PAK1: variants seen among roughly 807,000 people sequenced by gnomAD.
The protein encoded by PAK1 is p21 (RAC1) activated kinase 1, also known as serine/threonine-protein kinase PAK 1.
Under a neutral mutation model 67.4 loss-of-function variants are expected in PAK1, and 29 were observed. The ratio of observed to expected loss-of-function variants is 0.43; its 90% CI spans 0.32 to 0.59. The LOEUF is 0.59. Ranked by LOEUF, PAK1 falls within the 20% of genes least tolerant of loss-of-function variation. The pLI, the probability that PAK1 is intolerant of heterozygous loss-of-function variation, is 0.07. For synonymous variants in PAK1, 223 were observed against 237.4 expected, an observed-to-expected ratio of 0.94 and a Z score of 0.56; for missense variants, 337 against 670.7, an observed-to-expected ratio of 0.50 and a Z score of 5.50.
chr11:77,527,352 C>T, the PAK1 span, among the ~76,000 whole-genome samples: 1 of 152,170 alleles, frequency 6.6e-6, no homozygotes, highest in South Asian at 2.1e-4. Context: ...ATCTGCCCAC[C>T]TCAGCCTCTC....
At chr11:77,392,266 T>C (rs1951236524) in intron 2 of PAK1, 65 bp downstream of exon 2, 1 of 1,127,820 alleles carries the variant, frequency 8.9e-7, no homozygotes, top group African/African-American at 1.6e-5. Context: ...AGATCTTTTA[T>C]CCAGGTTACC....
At chr11:77,489,795 G>A in the PAK1 span, among the ~76,000 whole-genome samples, 19 of 152,064 alleles carry the variant, frequency 1.2e-4, no homozygotes, top group African/African-American at 4.1e-4. Context: ...ATCTCGGCTC[G>A]CTACAACCTC....
At chr11:77,504,172 C>T in the PAK1 span, among the ~76,000 whole-genome samples, 10 of 152,156 alleles carry the variant, frequency 6.6e-5, no homozygotes, top group South Asian at 4.1e-4. Context: ...GGATTATAGG[C>T]GTGAGCCACT....
chr11:77,408,510 T>C (rs1953976767), intron 1 of PAK1, among the ~76,000 whole-genome samples: 1 of 146,450 alleles, frequency 6.8e-6, no homozygotes, highest in African/African-American at 2.6e-5. Context: ...AAATGTAAAT[T>C]AGTAGAGCCA....
In PAK1 at chr11:77,355,777, G is replaced by A. The variant is rs755406096; in HGVS notation, c.663C>T (p.Pro221=). ...VTPTRDVATS[P]ISPTENNTTP... ...TGGTGTTATTTTCAGTAGGTGAAATGGGAGATGTAGCCACGTCCCGAGTTG... is the reference window on the plus strand; with the variant it reads ...TGGTGTTATTTTCAGTAGGTGAAATAGGAGATGTAGCCACGTCCCGAGTTG... The change falls in exon 7 of 15, where the codon CCC becomes CCT. Residue 221 remains proline (P), a synonymous_variant. Coordinates refer to ENST00000356341, the MANE Select transcript of PAK1 (RefSeq NM_002576.5). 23 of 1,612,932 alleles carry A rather than the reference G, an allele frequency of 1.4e-5. No homozygotes were observed. The highest frequency in any genetic ancestry group is 1.2e-4 in the African/African-American group (9 of 74,886).
intron 1 of PAK1, among the ~76,000 whole-genome samples, chr11:77,436,192 T>C (rs1956122796): frequency 6.6e-6 from 1 of 152,202 alleles, no homozygotes; most frequent in Non-Finnish European, 1.5e-5. Context: ...AAGGTTTCCC[T>C]GTTTCTCAGC....
intron 5 of PAK1, among the ~76,000 whole-genome samples, chr11:77,369,274 T>C (rs1948061739): frequency 1.3e-5 from 2 of 148,922 alleles, no homozygotes; most frequent in South Asian, 4.2e-4. Context: ...AATTTTTTCT[T>C]CTATTTTTTC....
intron 1 of PAK1, among the ~76,000 whole-genome samples, chr11:77,427,915 AAG>A (rs1280098650): frequency 6.6e-6 from 1 of 152,212 alleles, no homozygotes; most frequent in Non-Finnish European, 1.5e-5. Context: ...TCAGACAGTG[AAG>A]AGAGTTGGCT....
chr11:77,430,137 T>A (rs1264027433), intron 1 of PAK1, among the ~76,000 whole-genome samples: 2 of 152,020 alleles, frequency 1.3e-5, no homozygotes, highest in Non-Finnish European at 2.9e-5. Context: ...ATATAGGGCT[T>A]GTGTGGTGCC....
At chr11:77,390,803 T>G (rs1951040145) in intron 2 of PAK1, among the ~76,000 whole-genome samples, 1 of 151,970 alleles carries the variant, frequency 6.6e-6, no homozygotes, top group South Asian at 2.1e-4. Flanking sequence ...TGCCTGGCCT[T>G]CTTTTCTACC....
the PAK1 span, among the ~76,000 whole-genome samples, chr11:77,490,159 G>T: frequency 6.6e-6 from 1 of 151,410 alleles, no homozygotes; most frequent in Non-Finnish European, 1.5e-5. Flanking sequence ...TGAGAAGTGA[G>T]GAGACCCTCC....
intron 1 of PAK1, among the ~76,000 whole-genome samples, chr11:77,467,976 G>C (rs901309761): frequency 6.6e-6 from 1 of 152,296 alleles, no homozygotes; most frequent in Non-Finnish European, 1.5e-5. Flanking sequence ...AATAAGGAAA[G>C]CTGGACCTTA....
intron 4 of PAK1, among the ~76,000 whole-genome samples, chr11:77,376,854 T>C (rs983655351): frequency 1.3e-5 from 2 of 152,088 alleles, no homozygotes; most frequent in Non-Finnish European, 2.9e-5. Context: ...CAACTTAAAA[T>C]ACATTTCCAT....
At chr11:77,453,319 ACTCCAGC>A (rs1956940659) in intron 1 of PAK1, among the ~76,000 whole-genome samples, 1 of 152,032 alleles carries the variant, frequency 6.6e-6, no homozygotes, top group South Asian at 2.1e-4. Context: ...GCGCCATTGC[ACTCCAGC>A]CTGGGCGAAA....
the PAK1 span, among the ~76,000 whole-genome samples, chr11:77,502,379 A>T: frequency 6.6e-6 from 1 of 152,238 alleles, no homozygotes; most frequent in African/African-American, 2.4e-5. Flanking sequence ...ACACAGTTTT[A>T]AAACTAAACG....
At chr11:77,354,757 A>G (rs1054464335) in intron 7 of PAK1, among the ~76,000 whole-genome samples, 1 of 152,188 alleles carries the variant, frequency 6.6e-6, no homozygotes, top group Non-Finnish European at 1.5e-5. Flanking sequence ...GAGAACCACA[A>G]AGCAATGCCA....
intron 1 of PAK1, among the ~76,000 whole-genome samples, chr11:77,437,603 A>C (rs1956183656): frequency 6.6e-6 from 1 of 152,190 alleles, no homozygotes; most frequent in South Asian, 2.1e-4. Flanking sequence ...GGGAAGAGGT[A>C]GCCACTACCG....
the PAK1 span, among the ~76,000 whole-genome samples, chr11:77,482,268 C>T: frequency 5.6e-4 from 44 of 78,132 alleles, no homozygotes; most frequent in African/African-American, 1.4e-3. Context: ...GGATTACTGG[C>T]GTGAGCCACC....
Position 77,387,628 on chromosome 11 carries a change from C to T in PAK1, c.190+4703G>A, listed in dbSNP as rs986899376. ...GTTTCCATTTTTAAAAAACAAACCT[C>T]CTATTTGTATTGCATTTTAGTTTAG... On this transcript the variant is annotated intron_variant, in intron 2 of 14. Transcript: ENST00000356341. Among the ~76,000 whole-genome samples, 8 of 149,174 alleles carry T rather than the reference C, an allele frequency of 5.4e-5. No homozygotes were observed. In the South Asian group the frequency reaches 1.7e-3, roughly 31 times the overall value.
Sources: allele counts gnomAD v4.1 joint callset (sites outside exome capture counted in the v4.1 genomes callset), GRCh38; gene constraint gnomAD v4.1.1; transcripts MANE v1.5; gene names NCBI Gene and HGNC (gene_info 2026-07-23, HGNC 2026-07-21).